The following PTPRE variants were observed in gnomAD, a reference collection of about 807,000 sequenced individuals.
PTPRE encodes the protein protein tyrosine phosphatase receptor type E, also known as receptor-type tyrosine-protein phosphatase epsilon.
A neutral mutation model predicts 102.0 loss-of-function variants in PTPRE; 51 were observed. The observed-to-expected ratio is 0.50, with a 90% CI of 0.40 to 0.63. The LOEUF (loss-of-function observed/expected upper bound fraction) is 0.63, where lower values mean the gene tolerates loss of function less well. Among genes scored for constraint, PTPRE ranks in the 30% least tolerant of loss-of-function variants. The pLI, the probability that PTPRE is intolerant of heterozygous loss-of-function variation, is 0.00. For missense variants in PTPRE, 752 were observed against 915.1 expected, an observed-to-expected ratio of 0.82 and a Z score of 2.30; for synonymous variants, 345 against 348.2, an observed-to-expected ratio of 0.99 and a Z score of 0.10.
intron 6 of PTPRE, among the ~76,000 whole-genome samples, chr10:128,053,792 T>A (rs4335463): frequency 4.6e-5 from 7 of 152,074 alleles, no homozygotes; most frequent in African/African-American, 1.4e-4. Context: ...AGAGAGTCTC[T>A]CTCTGTCCCC....
At chr10:128,021,096 C>T (rs1245054603) in intron 2 of PTPRE, among the ~76,000 whole-genome samples, 3 of 151,980 alleles carry the variant, frequency 2.0e-5, no homozygotes, top group Non-Finnish European at 2.9e-5. Flanking sequence ...GGAGTTTCGC[C>T]GTGTTAGCCA....
intron 7 of PTPRE, 100 bp downstream of exon 7, chr10:128,056,313 G>A: frequency 2.0e-6 from 2 of 980,946 alleles, no homozygotes; most frequent in South Asian, 1.4e-5. Context: ...CTGGTGCTCA[G>A]AGGCCCCAAA....
At chr10:128,082,195 C>CCCTCTTT (rs1851770674) in intron 20 of PTPRE, among the ~76,000 whole-genome samples, 1 of 89,036 alleles carries the variant, frequency 1.1e-5, no homozygotes, top group African/African-American at 4.6e-5. Flanking sequence ...TTTTCTCTTT[C>CCCTCTTT]TTTTTTTTTT....
intron 1 of PTPRE, among the ~76,000 whole-genome samples, chr10:127,956,982 A>G (rs148980836): frequency 1.3e-3 from 198 of 152,162 alleles, no homozygotes; most frequent in Non-Finnish European, 2.2e-3. Context: ...ATCCTTTATC[A>G]GATATGTTCT....
chr10:128,054,362 C>CA (rs888668599), intron 6 of PTPRE, among the ~76,000 whole-genome samples: 9 of 151,712 alleles, frequency 5.9e-5, no homozygotes, highest in African/African-American at 2.2e-4. Context: ...GTGCTGGGGC[C>CA]AAAAAAAGCT....
intron 2 of PTPRE, among the ~76,000 whole-genome samples, chr10:128,027,073 G>T (rs1442765253): frequency 6.6e-6 from 1 of 152,208 alleles, no homozygotes; most frequent in Non-Finnish European, 1.5e-5. Context: ...CACAGCTGTG[G>T]TTTTCATGTC....
At chr10:127,953,590 G>C (rs1287977274) in intron 1 of PTPRE, among the ~76,000 whole-genome samples, 1 of 152,222 alleles carries the variant, frequency 6.6e-6, no homozygotes, top group African/African-American at 2.4e-5. Flanking sequence ...GGAGGCATAA[G>C]TAAGTTACAT....
At chr10:128,007,593 G>A (rs1291727122) in intron 2 of PTPRE, among the ~76,000 whole-genome samples, 1 of 152,148 alleles carries the variant, frequency 6.6e-6, no homozygotes, top group Non-Finnish European at 1.5e-5. Context: ...TAATTCCCAC[G>A]TCTTATGAGC....
chr10:127,992,745 A>G (rs1171469611), intron 2 of PTPRE, among the ~76,000 whole-genome samples: 2 of 152,180 alleles, frequency 1.3e-5, no homozygotes, highest in South Asian at 4.1e-4. Context: ...GAGCCCAAAT[A>G]CCTGGTTAGA....
At chr10:128,081,625 C>T (rs1369617324) in intron 20 of PTPRE, among the ~76,000 whole-genome samples, 2 of 152,246 alleles carry the variant, frequency 1.3e-5, no homozygotes, top group Non-Finnish European at 2.9e-5. Flanking sequence ...CTGTTTGCCT[C>T]TTTAAAGAGA....
chr10:128,077,569 T>C (rs770022060), intron 18 of PTPRE, 48 bp from the exon 19 acceptor site: 33 of 1,564,210 alleles, frequency 2.1e-5, no homozygotes, highest in Non-Finnish European at 2.7e-5. Context: ...GGCTGGGGCC[T>C]GTTCCCCGGC....
chr10:128,081,051 G>A (rs561826019), intron 20 of PTPRE, among the ~76,000 whole-genome samples: 38 of 152,228 alleles, frequency 2.5e-4, no homozygotes, highest in Non-Finnish European at 4.6e-4. Context: ...CAGGTATTAA[G>A]TGTCAGAATG....
chr10:127,956,100 C>T (rs1182741681), intron 1 of PTPRE, among the ~76,000 whole-genome samples: 1 of 152,150 alleles, frequency 6.6e-6, no homozygotes, highest in Admixed American at 6.5e-5. Context: ...TCAGGTGAAA[C>T]TATTACCTTA....
At position 128,066,152 on chromosome 10, in the gene PTPRE, G is replaced by A; in HGVS notation, c.801G>A (p.Val267=). 2 of 1,614,226 alleles carry A rather than the reference G, an allele frequency of 1.2e-6. No individual in the cohort carries two copies. The highest frequency in any genetic ancestry group is 1.7e-6 in the Non-Finnish European group (2 of 1,180,038). ...GNIRVCVEDC[V]VLVDYTIRKF... is the part of the protein sequence containing the mutation. ...TCCGGGTGTGCGTGGAGGACTGCGT[G>A]GTTTTGGTCGACTACACCATCCGGA... The change falls in exon 11 of 21, where the codon GTG becomes GTA. Residue 267 remains valine, a synonymous_variant. Transcript: ENST00000254667.
intron 13 of PTPRE, 58 bp downstream of exon 13, chr10:128,069,885 C>T (rs1410525141): frequency 1.1e-5 from 17 of 1,612,546 alleles, no homozygotes; most frequent in East Asian, 8.9e-5. Context: ...CCGATGCCTT[C>T]GCCACACAGG....
At chr10:127,987,370 C>T (rs2135488562) in intron 2 of PTPRE, 1 of 1,281,814 alleles carries the variant, frequency 7.8e-7, no homozygotes, top group South Asian at 1.2e-5. Context: ...GGATGGTTTC[C>T]CAGCGTCTTC....
rs537577243 is a variant in PTPRE at position 128,038,637 on chromosome 10, T to G, written c.-7-2238T>G. Among the ~76,000 whole-genome samples the G allele has an allele frequency of 6.1e-3, 685 of 112,360 alleles. 9 individuals carry two copies. Among genetic ancestry groups the G allele is most frequent in the African/African-American group, 0.023 (660 of 28,496 alleles). The allele number at this position is 112,360 out of a possible 152,430, so 73.7% of individuals were successfully genotyped here. A position where few individuals can be genotyped will look rare whatever the true frequency, so the allele number is the denominator to read the frequency against. ...ACACTTGGACACAGGAAGGGGAACA[T>G]CACACACCGGGGCCTGTCGTGGGGT... On this transcript the variant is annotated intron_variant, in intron 2 of 20. Coordinates refer to ENST00000254667, the MANE Select transcript of PTPRE (RefSeq NM_006504.6).
In PTPRE at chr10:127,907,787, T is replaced by G. The variant is rs12260285; in HGVS notation, c.-31+478T>G. On this transcript the variant is annotated intron_variant, in intron 1 of 20. Transcript: ENST00000254667. This position sits in a 1 kb window ranked among gnomAD's most constrained non-coding sequence, Gnocchi z 4.8. ...CCAACTCTGGGAGGGGCCGGCGCTCTGCCAGGATGCTGCCCCGCAGCCGGG... is the reference window on the plus strand; with the variant it reads ...CCAACTCTGGGAGGGGCCGGCGCTCGGCCAGGATGCTGCCCCGCAGCCGGG... Among the ~76,000 whole-genome samples, 32,501 of 152,146 alleles carry G rather than the reference T, an allele frequency of 0.21. 3,650 individuals carry two copies. Among genetic ancestry groups the G allele is most frequent in the African/African-American group, 0.25 (10,361 of 41,534 alleles).
intron 1 of PTPRE, among the ~76,000 whole-genome samples, chr10:127,974,837 T>A (rs1851022112): frequency 6.6e-6 from 1 of 152,226 alleles, no homozygotes; most frequent in Admixed American, 6.5e-5. Context: ...TGCTCTGTCT[T>A]TGGGGAGGGT....
Sources: gnomAD v4.1 joint callset for allele counts (sites outside exome capture counted in the v4.1 genomes callset) on GRCh38, gnomAD v4.1.1 for gene constraint, Gnocchi (gnomAD v3.1) non-coding constraint, MANE v1.5 for transcripts, NCBI Gene and HGNC (gene_info 2026-07-23, HGNC 2026-07-21) for gene names.